The following HNRNPR variants were observed in gnomAD, a reference collection of about 807,000 sequenced individuals.
The protein encoded by HNRNPR is heterogeneous nuclear ribonucleoprotein R.
A neutral mutation model predicts 70.3 loss-of-function variants in HNRNPR; 4 were observed. That is an observed-to-expected ratio of 0.06 (90% CI 0.03 to 0.13). The LOEUF (loss-of-function observed/expected upper bound fraction) is 0.13, where lower values mean the gene tolerates loss of function less well. Ranked by LOEUF, HNRNPR falls within the 10% of genes least tolerant of loss-of-function variation. The probability of loss-of-function intolerance (pLI) is 1.00; values close to 1 mark genes in which losing one functional copy is unlikely to be tolerated. For synonymous variants in HNRNPR, 241 were observed against 267.6 expected (o/e 0.90, Z 0.97); for missense variants, 423 against 788.5 (o/e 0.54, Z 5.55).
chr1:23,314,394 A>G (rs1262591662), intron 8 of HNRNPR, among the ~76,000 whole-genome samples: 1 of 152,212 alleles, frequency 6.6e-6, no homozygotes, highest in African/African-American at 2.4e-5. Flanking sequence ...TGACTTCTAT[A>G]TGGCAAAAAA....
intron 5 of HNRNPR, among the ~76,000 whole-genome samples, chr1:23,330,043 A>C (rs1488162336): frequency 6.6e-6 from 1 of 152,160 alleles, no homozygotes; most frequent in Non-Finnish European, 1.5e-5. Flanking sequence ...AGGTGCCACA[A>C]AGTCATATAC....
At position 23,342,644 on chromosome 1, in the gene HNRNPR, G is replaced by A. The variant is rs192720070; in HGVS notation, c.-10+1567C>T. The stretch of plus-strand genomic sequence containing the variant: ...CACAAAATCTCCTTGCGAACATAAG[G>A]TTCTGTTTTCCCATGCTCCCCCATC... On this transcript the variant is annotated intron_variant, in intron 1 of 10. Transcript: ENST00000302271. Among the ~76,000 whole-genome samples the A allele has an allele frequency of 4.6e-5, 7 of 152,200 alleles. No individual in the cohort carries two copies. In the East Asian group the frequency reaches 1.3e-3, roughly 29 times the overall value.
chr1:23,305,391 A>G lies in HNRNPR; in HGVS notation c.*5063T>C, dbSNP rs191101298. 1.3e-5 allele frequency: 2 copies of G among 152,282 alleles called. No homozygotes were observed. Among genetic ancestry groups the G allele is most frequent in the Admixed American group, 6.5e-5 (1 of 15,298 alleles). 9.4% of individuals were successfully genotyped at this position (152,282 alleles called of 1,614,324 possible). A position where few individuals can be genotyped will look rare whatever the true frequency, so the allele number is the denominator to read the frequency against. On this transcript the variant is annotated 3_prime_UTR_variant, in exon 11 of 11. Coordinates refer to ENST00000302271, the MANE Select transcript of HNRNPR (RefSeq NM_005826.5). ...AATTTCATTCTAGTGTTGTACAACT[A>G]GTCTATAGCAAACTTACAAGTAAGG...
At chr1:23,313,495 T>C in intron 9 of HNRNPR, 58 bp downstream of exon 9, 1 of 1,125,250 alleles carries the variant, frequency 8.9e-7, no homozygotes, top group Non-Finnish European at 1.3e-6. Context: ...TACTTTGTGT[T>C]TGGCAAGTTT....
rs1646830749 is a variant in HNRNPR at position 23,344,258 on chromosome 1, G to A, written c.-57C>T. 6.5e-6 allele frequency: 1 copy of A among 152,708 alleles called. No homozygotes were observed. Among genetic ancestry groups the A allele is most frequent in the African/African-American group, 2.4e-5 (1 of 41,412 alleles). 9.5% of individuals were successfully genotyped at this position (152,708 alleles called of 1,614,324 possible). A position where few individuals can be genotyped will look rare whatever the true frequency, so the allele number is the denominator to read the frequency against. ...GCCGGGCCCGTGAGAATCAGCGCGA[G>A]GCGCTTTGAAAACGACTAGAAATGG... On this transcript the variant is annotated 5_prime_UTR_variant, in exon 1 of 11. Coordinates refer to ENST00000302271, the MANE Select transcript of HNRNPR (RefSeq NM_005826.5).
At position 23,305,583 on chromosome 1, in the gene HNRNPR, TA is replaced by T. The variant is rs1645191258; in HGVS notation, c.*4870del. ...ATCAGTGTTTATACCATATTACAAT[TA>T]TTTTTTATATGGTATGGTCAGAAAT... On this transcript the variant is annotated 3_prime_UTR_variant, in exon 11 of 11. Transcript: ENST00000302271. 1 of 152,172 alleles carries T rather than the reference TA, an allele frequency of 6.6e-6. No individual in the cohort carries two copies. Among genetic ancestry groups the T allele is most frequent in the Admixed American group, 6.5e-5 (1 of 15,274 alleles). The allele number at this position is 152,172 out of a possible 1,614,324, so 9.4% of individuals were successfully genotyped here.
chr1:23,327,302 A>G (rs1327163729), intron 5 of HNRNPR, among the ~76,000 whole-genome samples: 1 of 152,220 alleles, frequency 6.6e-6, no homozygotes, highest in Non-Finnish European at 1.5e-5. Flanking sequence ...CATGTGCCAT[A>G]TATTTTTCTA....
intron 1 of HNRNPR, among the ~76,000 whole-genome samples, chr1:23,343,886 C>A (rs866334274): frequency 6.6e-6 from 1 of 152,194 alleles, no homozygotes; most frequent in Non-Finnish European, 1.5e-5. Context: ...GCGCCTCAGG[C>A]CCTTCGCGGG....
At chr1:23,331,923 G>A (rs1386485844) in intron 5 of HNRNPR, among the ~76,000 whole-genome samples, 1 of 149,254 alleles carries the variant, frequency 6.7e-6, no homozygotes, top group Non-Finnish European at 1.5e-5. Context: ...AGGATGAGCA[G>A]GAGTTCATGA....
At chr1:23,331,701 G>A (rs145659587) in intron 5 of HNRNPR, among the ~76,000 whole-genome samples, 282 of 151,738 alleles carry the variant, frequency 1.9e-3, no homozygotes, top group African/African-American at 6.6e-3. Flanking sequence ...GGGTTTGGTG[G>A]CATGAGTCCA....
chr1:23,341,313 C>G (rs1646697096), intron 1 of HNRNPR, among the ~76,000 whole-genome samples: 1 of 152,078 alleles, frequency 6.6e-6, no homozygotes, highest in African/African-American at 2.4e-5. Flanking sequence ...GCTGTTCTGT[C>G]CTGGTGAAAA....
chr1:23,311,356 T>C (rs1342252387), intron 9 of HNRNPR, 34 bp from the exon 10 acceptor site: 7 of 1,353,036 alleles, frequency 5.2e-6, no homozygotes, highest in Non-Finnish European at 6.2e-6. Context: ...TTTACAACGA[T>C]ATAAAACTGT....
intron 4 of HNRNPR, among the ~76,000 whole-genome samples, chr1:23,335,165 G>A (rs770481418): frequency 2.6e-5 from 4 of 152,166 alleles, no homozygotes; most frequent in East Asian, 1.9e-4. Context: ...TGATCCACCC[G>A]CCTCAGCCTC....
chr1:23,314,841 T>A lies in HNRNPR; in HGVS notation c.1018-1139A>T, dbSNP rs1004423271. Among the ~76,000 whole-genome samples, 6 of 152,226 alleles carry A rather than the reference T, an allele frequency of 3.9e-5. No individual in the cohort carries two copies. The East Asian group carries it at 1.2e-3, about 29-fold the overall frequency. ...GCCCACAATTCTACCCCTAAGAATC[T>A]ATCCTACAGATATATCTCCACTTGT... On this transcript the variant is annotated intron_variant, in intron 8 of 10. Transcript: ENST00000302271.
chr1:23,333,650 CT>C lies in HNRNPR; in HGVS notation c.385-20del, dbSNP rs1228577315. 1.2e-5 allele frequency: 16 copies of C among 1,380,104 alleles called. No individual in the cohort carries two copies. The highest frequency in any genetic ancestry group is 1.6e-5 in the Non-Finnish European group (15 of 967,504). 85.5% of individuals were successfully genotyped at this position (1,380,104 alleles called of 1,614,324 possible). On this transcript the variant is annotated intron_variant, in intron 4 of 10. Transcript: ENST00000302271. ...GCAAGGCCTAGAGATAATTATACAT[CT>C]CTTTATACTTGAGTACTAAATCTCA...
chr1:23,335,010 C>A (rs557464436), intron 4 of HNRNPR, among the ~76,000 whole-genome samples: 1 of 152,040 alleles, frequency 6.6e-6, no homozygotes, highest in Admixed American at 6.5e-5. Context: ...CTCCGCCTCC[C>A]GGGTTCACGC....
intron 3 of HNRNPR, 170 bp from the exon 4 acceptor site, chr1:23,338,031 C>G: frequency 5.2e-6 from 3 of 574,602 alleles, no homozygotes; most frequent in East Asian, 5.8e-5. Flanking sequence ...GAGCAGACAG[C>G]AGTAAGGCAG....
At chr1:23,343,917 G>A (rs1020997625) in intron 1 of HNRNPR, among the ~76,000 whole-genome samples, 3 of 152,152 alleles carry the variant, frequency 2.0e-5, no homozygotes, top group Non-Finnish European at 2.9e-5. Flanking sequence ...ATGGAGCAGC[G>A]AGCGGAGGCG....
intron 5 of HNRNPR, among the ~76,000 whole-genome samples, chr1:23,330,075 C>G (rs947084683): frequency 6.6e-6 from 1 of 152,168 alleles, no homozygotes; most frequent in Admixed American, 6.5e-5. Context: ...GTTAAATACA[C>G]TGGGGTTCTG....
Sources: allele counts gnomAD v4.1 joint callset (sites outside exome capture counted in the v4.1 genomes callset), GRCh38; gene constraint gnomAD v4.1.1; transcripts MANE v1.5; gene names NCBI Gene and HGNC (gene_info 2026-07-23, HGNC 2026-07-21).